The following STAG1 variants were observed in gnomAD, a reference collection of about 807,000 sequenced individuals.
STAG1 encodes the protein cohesin subunit SA-1.
In STAG1, 26 loss-of-function variants were observed where a neutral mutation model predicts 170.9. The ratio of observed to expected loss-of-function variants is 0.15; its 90% confidence interval spans 0.11 to 0.21. The LOEUF (loss-of-function observed/expected upper bound fraction) is 0.21, where lower values mean the gene tolerates loss of function less well. STAG1 is among the 10% of genes least tolerant of loss of function. The pLI is 1.00. For synonymous variants in STAG1, 514 were observed against 497.7 expected, an observed-to-expected ratio of 1.03 and a Z score of -0.44; for missense variants, 964 against 1,509.5, an observed-to-expected ratio of 0.64 and a Z score of 5.99.
intron 2 of STAG1, among the ~76,000 whole-genome samples, chr3:136,627,809 T>A (rs1940172772): frequency 6.6e-6 from 1 of 152,138 alleles, no homozygotes; most frequent in Non-Finnish European, 1.5e-5. Flanking sequence ...AAAAAATGAT[T>A]TTGCTCCCTA....
At chr3:136,393,039 A>G (rs1254227489) in intron 22 of STAG1, among the ~76,000 whole-genome samples, 1 of 152,198 alleles carries the variant, frequency 6.6e-6, no homozygotes, top group African/African-American at 2.4e-5. Context: ...TACAGAAAGA[A>G]AAACAAATAA....
intron 2 of STAG1, among the ~76,000 whole-genome samples, chr3:136,628,392 G>T (rs572235992): frequency 6.6e-6 from 1 of 152,108 alleles, no homozygotes; most frequent in African/African-American, 2.4e-5. Context: ...GACTTAGCAG[G>T]TACTGATATG....
chr3:136,544,621 G>A (rs998858920), intron 5 of STAG1, among the ~76,000 whole-genome samples: 18 of 151,806 alleles, frequency 1.2e-4, no homozygotes, highest in African/African-American at 4.1e-4. Context: ...AAAAACAGCC[G>A]GGTGTGGGTG....
intron 4 of STAG1, among the ~76,000 whole-genome samples, chr3:136,585,421 G>A (rs1937767480): frequency 6.6e-6 from 1 of 152,112 alleles, no homozygotes; most frequent in East Asian, 1.9e-4. Context: ...CAGCCTGGGC[G>A]ACAGAGTGAG....
At chr3:136,598,592 A>G (rs890761335) in intron 4 of STAG1, among the ~76,000 whole-genome samples, 1 of 151,848 alleles carries the variant, frequency 6.6e-6, no homozygotes, top group Non-Finnish European at 1.5e-5. Flanking sequence ...ACGCCCGGCT[A>G]ATTTTTTGTA....
intron 3 of STAG1, among the ~76,000 whole-genome samples, chr3:136,622,657 T>C (rs1329085808): frequency 6.6e-6 from 1 of 152,184 alleles, no homozygotes; most frequent in Non-Finnish European, 1.5e-5. Flanking sequence ...CAGATAACAG[T>C]ATCTTCTATA....
At chr3:136,435,484 CTTAG>C (rs1022240603) in intron 15 of STAG1, among the ~76,000 whole-genome samples, 6 of 152,128 alleles carry the variant, frequency 3.9e-5, no homozygotes, top group South Asian at 4.1e-4. Flanking sequence ...AATCATTTTG[CTTAG>C]TTAGTTCGTA....
chr3:136,743,382 AAT>A (rs1354901167), intron 1 of STAG1, among the ~76,000 whole-genome samples: 288 of 149,122 alleles, frequency 1.9e-3, no homozygotes, highest in African/African-American at 6.8e-3. Flanking sequence ...AAAAAAAAAT[AAT>A]AATAACAATA....
At chr3:136,699,088 G>C (rs1942975974) in intron 1 of STAG1, among the ~76,000 whole-genome samples, 1 of 152,170 alleles carries the variant, frequency 6.6e-6, no homozygotes, top group African/African-American at 2.4e-5. Flanking sequence ...GGAAGGGTGT[G>C]AGGGTTAAAA....
intron 1 of STAG1, among the ~76,000 whole-genome samples, chr3:136,673,389 T>C (rs767072234): frequency 2.0e-5 from 3 of 152,210 alleles, no homozygotes; most frequent in Non-Finnish European, 4.4e-5. Flanking sequence ...GGATGAACAG[T>C]ATTTCATTTT....
At chr3:136,435,171 A>G (rs2088419794) in intron 15 of STAG1, among the ~76,000 whole-genome samples, 1 of 152,164 alleles carries the variant, frequency 6.6e-6, no homozygotes, top group African/African-American at 2.4e-5. Context: ...CCTTTTTCTA[A>G]AATTTTGTTT....
At chr3:136,540,822 C>CAAAAAAGAAAAAAAAAAAAAAAA (rs1935854206) in intron 6 of STAG1, among the ~76,000 whole-genome samples, 1 of 46,276 alleles carries the variant, frequency 2.2e-5, no homozygotes, top group Non-Finnish European at 4.4e-5. Context: ...ACTGTGTCTC[C>CAAAAAAGAAAAAAAAAAAAAAAA]AAAAAAAAAA....
intron 2 of STAG1, among the ~76,000 whole-genome samples, chr3:136,630,012 A>G (rs899335530): frequency 6.6e-6 from 1 of 152,036 alleles, no homozygotes. Context: ...CCTGGCCAAC[A>G]TAGTGAAACC....
chr3:136,552,283 A>T (rs1324990703), intron 5 of STAG1, among the ~76,000 whole-genome samples: 8 of 152,200 alleles, frequency 5.3e-5, no homozygotes, highest in African/African-American at 1.4e-4. Context: ...TCCACAAAAA[A>T]TTTTTTTGAA....
intron 15 of STAG1, among the ~76,000 whole-genome samples, chr3:136,437,443 A>G (rs1238829142): frequency 6.6e-6 from 1 of 152,260 alleles, no homozygotes; most frequent in African/African-American, 2.4e-5. Flanking sequence ...GACTGAAACA[A>G]ATGGGTAGCT....
intron 3 of STAG1, 124 bp downstream of exon 3, chr3:136,623,022 A>G (rs1939936043): frequency 2.7e-6 from 2 of 745,910 alleles, no homozygotes; most frequent in South Asian, 4.1e-5. Context: ...AAAGTTTCCA[A>G]TCTCTATTGT....
chr3:136,453,810 GAGTAGGCCTCTCA>G (rs1319251325), intron 13 of STAG1, among the ~76,000 whole-genome samples: 3 of 150,376 alleles, frequency 2.0e-5, no homozygotes, highest in Non-Finnish European at 4.4e-5. Context: ...ATAAAAGTCA[GAGTAGGCCTCTCA>G]AATGAGAGGC....
chr3:136,413,917 A>G (rs2087700818), intron 21 of STAG1, among the ~76,000 whole-genome samples: 1 of 152,284 alleles, frequency 6.6e-6, no homozygotes, highest in Middle Eastern at 3.2e-3. Context: ...ATTGTAATAA[A>G]GCAAGTCACA....
chr3:136,475,012 T>A (rs892433037), intron 10 of STAG1, among the ~76,000 whole-genome samples: 1 of 152,052 alleles, frequency 6.6e-6, no homozygotes, highest in African/African-American at 2.4e-5. Flanking sequence ...CAGGATACCC[T>A]CTAAGGTACA....
Sources: gnomAD v4.1 joint callset for allele counts (sites outside exome capture counted in the v4.1 genomes callset) on GRCh38, gnomAD v4.1.1 for gene constraint, MANE v1.5 for transcripts, NCBI Gene and HGNC (gene_info 2026-07-23, HGNC 2026-07-21) for gene names.